Variants in CELF2 observed in about 807,000 individuals in gnomAD.
The protein encoded by CELF2 is CUGBP Elav-like family member 2.
A neutral mutation model predicts 62.6 loss-of-function variants in CELF2; 8 were observed. The observed-to-expected ratio is 0.13, with a 90% CI of 0.07 to 0.23. CELF2 has a LOEUF of 0.23. Ranked by LOEUF, CELF2 falls within the 10% of genes least tolerant of loss-of-function variation. CELF2 has a pLI of 1.00. For missense variants in CELF2, 333 were observed against 671.0 expected (o/e 0.50, Z 5.56); for synonymous variants, 258 against 250.0 (o/e 1.03, Z -0.30).
chr10:10,938,676 G>T lies in CELF2; in HGVS notation c.89+18677G>T, dbSNP rs2046683361. Among the ~76,000 whole-genome samples the T allele has an allele frequency of 6.6e-6, 1 of 152,120 alleles. No individual in the cohort carries two copies. Among genetic ancestry groups the T allele is most frequent in the Non-Finnish European group, 1.5e-5 (1 of 68,024 alleles). ...TGTAGGTTCACTGAATTTCCCCAAA[G>T]AAGATCCTGAGACAAGAATTTGAGT... On this transcript the variant is annotated intron_variant, in intron 2 of 13. Coordinates refer to the CELF2 transcript ENST00000636488. This position sits in a 1 kb window ranked among gnomAD's most constrained non-coding sequence, Gnocchi z 4.2.
chr10:11,209,904 C>G (rs1432060166), intron 2 of CELF2, among the ~76,000 whole-genome samples: 1 of 152,178 alleles, frequency 6.6e-6, no homozygotes, highest in Non-Finnish European at 1.5e-5. Context: ...GGCTTGCATG[C>G]TACTGACTTG....
At chr10:10,575,329 G>T in the CELF2 span, among the ~76,000 whole-genome samples, 2 of 152,130 alleles carry the variant, frequency 1.3e-5, no homozygotes, top group African/African-American at 4.8e-5. Context: ...TTTGCATTTA[G>T]GTTATACCTG....
chr10:11,052,055 A>G (rs569238398), intron 1 of CELF2, among the ~76,000 whole-genome samples: 9 of 152,154 alleles, frequency 5.9e-5, no homozygotes, highest in African/African-American at 2.2e-4. Context: ...ACAGGTGTGC[A>G]ATGCCACGCT....
the CELF2 span, among the ~76,000 whole-genome samples, chr10:10,683,789 A>G: frequency 6.6e-6 from 1 of 152,234 alleles, no homozygotes; most frequent in Non-Finnish European, 1.5e-5. Context: ...GTTCATTAAT[A>G]TTAGGATTAG....
the CELF2 span, among the ~76,000 whole-genome samples, chr10:10,515,518 G>C: frequency 6.6e-6 from 1 of 152,176 alleles, no homozygotes; most frequent in African/African-American, 2.4e-5. Flanking sequence ...AAGACCGAGT[G>C]ATCCTGAGAG....
the CELF2 span, among the ~76,000 whole-genome samples, chr10:10,749,761 C>A: frequency 2.0e-5 from 3 of 152,162 alleles, no homozygotes; most frequent in Non-Finnish European, 4.4e-5. Context: ...TAAAAATGTT[C>A]ATGATTGTTA....
At chr10:10,814,577 A>G (rs2056271508) in intron 1 of CELF2, among the ~76,000 whole-genome samples, 1 of 152,168 alleles carries the variant, frequency 6.6e-6, no homozygotes, top group Non-Finnish European at 1.5e-5. Context: ...GGGCCCCTCC[A>G]TGACAGGCCA....
chr10:10,902,677 GCAGTAGTTTCA>G (rs2063024002), intron 1 of CELF2, among the ~76,000 whole-genome samples: 1 of 152,054 alleles, frequency 6.6e-6, no homozygotes. Flanking sequence ...TTTGGTTATG[GCAGTAGTTTCA>G]CAGCTGTAAA....
At chr10:11,231,201 A>G (rs747683879) in intron 3 of CELF2, among the ~76,000 whole-genome samples, 1 of 152,192 alleles carries the variant, frequency 6.6e-6, no homozygotes. Flanking sequence ...AATCTGGAGA[A>G]GTTTTTCACA....
At chr10:11,201,384 C>G (rs2059176101) in intron 2 of CELF2, among the ~76,000 whole-genome samples, 1 of 152,180 alleles carries the variant, frequency 6.6e-6, no homozygotes, top group Non-Finnish European at 1.5e-5. Context: ...GCTTCTCCAT[C>G]TTGTCACTCT....
chr10:10,922,879 C>G (rs767157), intron 2 of CELF2: 69,965 of 151,978 alleles, frequency 0.46, 17,035 homozygotes, highest in South Asian at 0.57. Context: ...TCTCCAGGGG[C>G]AGTTTGAGAC....
At chr10:11,018,191 G>A in intron 1 of CELF2, 28 bp downstream of exon 1, 7 of 1,501,138 alleles carry the variant, frequency 4.7e-6, no homozygotes, top group South Asian at 1.2e-5. Flanking sequence ...CCGAGGCCGG[G>A]CGAGCGGGCG....
chr10:10,532,167 T>C, the CELF2 span, among the ~76,000 whole-genome samples: 3 of 152,368 alleles, frequency 2.0e-5, no homozygotes, highest in African/African-American at 7.2e-5. Context: ...GTTTGAGAAG[T>C]GCTCAAGTGG....
chr10:10,467,309 G>A, the CELF2 span, among the ~76,000 whole-genome samples: 3 of 151,958 alleles, frequency 2.0e-5, no homozygotes, highest in Admixed American at 2.0e-4. Context: ...CATATGGAGA[G>A]CCAGTTGCTT....
At chr10:11,113,082 AC>A (rs1187470931) in intron 1 of CELF2, among the ~76,000 whole-genome samples, 1 of 152,244 alleles carries the variant, frequency 6.6e-6, no homozygotes, top group East Asian at 1.9e-4. Context: ...GGGTCTTACT[AC>A]CAGTATTGGG....
chr10:11,228,017 T>TG (rs2067215879), intron 3 of CELF2, among the ~76,000 whole-genome samples: 1 of 152,144 alleles, frequency 6.6e-6, no homozygotes, highest in Non-Finnish European at 1.5e-5. Context: ...AAGTAGCATA[T>TG]GGGGCTCAGT....
the CELF2 span, among the ~76,000 whole-genome samples, chr10:10,697,811 A>G: frequency 6.6e-6 from 1 of 152,144 alleles, no homozygotes; most frequent in Non-Finnish European, 1.5e-5. Flanking sequence ...TGTCTGAGAC[A>G]GGGTCTTGCT....
chr10:10,776,040 G>A, the CELF2 span, among the ~76,000 whole-genome samples: 11 of 152,170 alleles, frequency 7.2e-5, no homozygotes, highest in South Asian at 6.2e-4. Flanking sequence ...CTCAACAGAG[G>A]CATCATTAAT....
At chr10:10,507,895 A>G in the CELF2 span, among the ~76,000 whole-genome samples, 72 of 152,202 alleles carry the variant, frequency 4.7e-4, no homozygotes, top group Non-Finnish European at 1.9e-4. Context: ...CATTGGAAAG[A>G]GTCAAGCCCG....
Sources: gnomAD v4.1 joint callset for allele counts (sites outside exome capture counted in the v4.1 genomes callset) on GRCh38, gnomAD v4.1.1 for gene constraint, Gnocchi (gnomAD v3.1) non-coding constraint, MANE v1.5 for transcripts, NCBI Gene and HGNC (gene_info 2026-07-23, HGNC 2026-07-21) for gene names.